DNAH6: variants seen among roughly 807,000 people sequenced by gnomAD.
The protein encoded by DNAH6 is dynein axonemal heavy chain 6, also known as axonemal beta dynein heavy chain 6.
Under a neutral mutation model 491.4 loss-of-function variants are expected in DNAH6, and 340 were observed. The observed-to-expected ratio is 0.69, with a 90% CI of 0.63 to 0.76. The LOEUF (loss-of-function observed/expected upper bound fraction) is 0.76, where lower values mean the gene tolerates loss of function less well. DNAH6 is among the 30% of genes least tolerant of loss of function. The pLI is 0.00. For missense variants in DNAH6, 4,443 were observed against 4,972.2 expected, an observed-to-expected ratio of 0.89 and a Z score of 3.20; for synonymous variants, 1,603 against 1,686.1, an observed-to-expected ratio of 0.95 and a Z score of 1.21.
chr2:84,686,782 G>A (rs1694298924), intron 44 of DNAH6, among the ~76,000 whole-genome samples: 1 of 152,074 alleles, frequency 6.6e-6, no homozygotes, highest in South Asian at 2.1e-4. Context: ...ATTTTTATAT[G>A]GTTGCTTTTG....
In DNAH6 at chr2:84,549,919, G is replaced by A. The variant is rs1030828591; in HGVS notation, c.1347G>A (p.Glu449=). The A allele has an allele frequency of 6.2e-7, 1 of 1,611,324 alleles. No homozygotes were observed. The highest frequency in any genetic ancestry group is 8.5e-7 in the Non-Finnish European group (1 of 1,178,872). ...TTCGTCTAAACGACTATCTAATTGAGAACACAATGCACATCTTAACGGTAA... is the reference window on the plus strand; with the variant it reads ...TTCGTCTAAACGACTATCTAATTGAAAACACAATGCACATCTTAACGGTAA... ...CFIRLNDYLI[E]NTMHILTVNA... Residue 449 remains glutamate (E), a synonymous_variant, in exon 9 of 77, where the codon GAG becomes GAA. Coordinates refer to ENST00000389394, the MANE Select transcript of DNAH6 (RefSeq NM_001370.2).
chr2:84,619,997 C>A, intron 24 of DNAH6, 93 bp downstream of exon 24: 1 of 1,112,478 alleles, frequency 9.0e-7, no homozygotes, highest in Non-Finnish European at 1.3e-6. Context: ...TCTGTTGGCT[C>A]AGCAGTTTCA....
the DNAH6 span, among the ~76,000 whole-genome samples, chr2:84,493,446 A>C: frequency 6.6e-6 from 1 of 152,216 alleles, no homozygotes. Flanking sequence ...ATTTTATTTA[A>C]ATGTAGCTTC....
intron 45 of DNAH6, among the ~76,000 whole-genome samples, chr2:84,689,989 G>A (rs866373053): frequency 1.2e-4 from 19 of 152,124 alleles, no homozygotes; most frequent in African/African-American, 4.6e-4. Flanking sequence ...TTCTTATTGC[G>A]TGTTGGAGAT....
At chr2:84,564,107 C>G (rs577566134) in intron 11 of DNAH6, among the ~76,000 whole-genome samples, 25 of 152,092 alleles carry the variant, frequency 1.6e-4, no homozygotes, top group African/African-American at 5.5e-4. Context: ...AGCCTTGTAG[C>G]ATAGTTTGAA....
rs554967894 is a variant in DNAH6 at position 84,549,950 on chromosome 2, G to A, written c.1378G>A (p.Val460Ile). 1.7e-5 allele frequency: 27 copies of A among 1,613,920 alleles called. No homozygotes were observed. The South Asian group carries it at 2.5e-4, about 15-fold the overall frequency. The change falls in exon 9 of 77, where the codon GTT becomes ATT. Residue 460 changes from valine (V) to isoleucine (I), a missense_variant. Coordinates refer to ENST00000389394, the MANE Select transcript of DNAH6 (RefSeq NM_001370.2). ...NTMHILTVNA[V>I]NSLLNHLTDK... ...AATGCACATCTTAACGGTAAATGCT[G>A]TTAATTCGCTTTTGAACCATCTCAC...
the DNAH6 span, among the ~76,000 whole-genome samples, chr2:84,471,579 G>A: frequency 7.9e-5 from 12 of 152,080 alleles, no homozygotes; most frequent in African/African-American, 2.2e-4. Context: ...GACTCTGGTC[G>A]GTCCTCATTC....
the DNAH6 span, among the ~76,000 whole-genome samples, chr2:84,479,010 G>T: frequency 6.6e-6 from 1 of 151,990 alleles, no homozygotes; most frequent in African/African-American, 2.4e-5. Flanking sequence ...GTCCCCAGCT[G>T]GACTCCTCTC....
intron 10 of DNAH6, among the ~76,000 whole-genome samples, chr2:84,554,709 C>T (rs575424944): frequency 3.9e-5 from 6 of 152,356 alleles, no homozygotes; most frequent in African/African-American, 9.6e-5. Context: ...AAGCAGACTA[C>T]TGAGGTCCCT....
chr2:84,547,078 A>T (rs1678861194), intron 5 of DNAH6, among the ~76,000 whole-genome samples, 190 bp from the exon 6 acceptor site: 1 of 152,216 alleles, frequency 6.6e-6, no homozygotes, highest in South Asian at 2.1e-4. Flanking sequence ...ATTATATCTG[A>T]TAATTCAAGG....
chr2:84,663,734 G>A (rs1691778893), intron 37 of DNAH6, among the ~76,000 whole-genome samples: 1 of 152,098 alleles, frequency 6.6e-6, no homozygotes, highest in African/African-American at 2.4e-5. Flanking sequence ...TCAGATTCAG[G>A]AAATACAGAG....
chr2:84,631,645 G>A (rs1573293136), intron 29 of DNAH6, among the ~76,000 whole-genome samples: 1 of 152,132 alleles, frequency 6.6e-6, no homozygotes, highest in Non-Finnish European at 1.5e-5. Flanking sequence ...AGATCAGAGT[G>A]ATGCAGTACA....
intron 64 of DNAH6, among the ~76,000 whole-genome samples, chr2:84,779,390 G>A (rs1478412629): frequency 6.6e-6 from 1 of 152,188 alleles, no homozygotes; most frequent in East Asian, 1.9e-4. Context: ...TTACCGTTAT[G>A]TAATGCCCTA....
chr2:84,817,479 G>A (rs1680602077), intron 76 of DNAH6, among the ~76,000 whole-genome samples: 1 of 152,066 alleles, frequency 6.6e-6, no homozygotes, highest in Non-Finnish European at 1.5e-5. Context: ...AAACAATCCA[G>A]CTGTCTAGCC....
chr2:84,501,909 C>T, the DNAH6 span, among the ~76,000 whole-genome samples: 308 of 151,548 alleles, frequency 2.0e-3, 2 homozygotes, highest in Non-Finnish European at 3.1e-3. Flanking sequence ...TTATTGGGAT[C>T]TTCTCTCTTT....
chr2:84,617,139 A>G lies in DNAH6; in HGVS notation c.3572+157A>G, dbSNP rs1011043860. The stretch of plus-strand genomic sequence containing the variant: ...CAACTAGTTATCGTAATTGAGGAGT[A>G]TAAGTCTCAAGGATAAAATACAATA... On this transcript the variant is annotated intron_variant, in intron 23 of 76. Transcript: ENST00000389394. Among the ~76,000 whole-genome samples the G allele has an allele frequency of 5.9e-5, 9 of 152,264 alleles. No homozygotes were observed. The South Asian group carries it at 1.7e-3, about 28-fold the overall frequency.
intron 76 of DNAH6, among the ~76,000 whole-genome samples, chr2:84,818,484 C>CAAAA (rs59242387): frequency 4.7e-5 from 3 of 63,828 alleles, no homozygotes; most frequent in Non-Finnish European, 8.8e-5. Flanking sequence ...GACCCTATCT[C>CAAAA]AAAAAAAAAA....
chr2:84,633,848 G>A (rs763054101), intron 29 of DNAH6, among the ~76,000 whole-genome samples: 7 of 152,178 alleles, frequency 4.6e-5, no homozygotes, highest in Non-Finnish European at 7.4e-5. Context: ...CGGAGGAAGG[G>A]GGGAAGTAGT....
chr2:84,690,621 G>A (rs140919547), intron 45 of DNAH6, among the ~76,000 whole-genome samples: 4 of 152,288 alleles, frequency 2.6e-5, no homozygotes, highest in East Asian at 1.9e-4. Context: ...TATTATGGAC[G>A]GAAATTAAAA....
Sources: gnomAD v4.1 joint callset for allele counts (sites outside exome capture counted in the v4.1 genomes callset) on GRCh38, gnomAD v4.1.1 for gene constraint, MANE v1.5 for transcripts, NCBI Gene and HGNC (gene_info 2026-07-23, HGNC 2026-07-21) for gene names.